Variants in CALN1 observed in about 807,000 individuals in gnomAD.
The protein encoded by CALN1 is calneuron 1.
Under a neutral mutation model 30.6 loss-of-function variants are expected in CALN1, and 17 were observed. That is an observed-to-expected ratio of 0.56 (90% CI 0.38 to 0.83). The LOEUF is 0.83. Among genes scored for constraint, CALN1 ranks in the 40% least tolerant of loss-of-function variants. The pLI is 0.00. For synonymous variants in CALN1, 156 were observed against 131.4 expected, an observed-to-expected ratio of 1.19 and a Z score of -1.28; for missense variants, 291 against 354.9, an observed-to-expected ratio of 0.82 and a Z score of 1.45.
intron 1 of CALN1, among the ~76,000 whole-genome samples, chr7:72,410,551 G>A (rs899213977): frequency 1.1e-4 from 17 of 152,170 alleles, no homozygotes; most frequent in African/African-American, 4.1e-4. Flanking sequence ...TCTGAAAACT[G>A]AAATGAGCTT....
intron 5 of CALN1, 42 bp downstream of exon 5, chr7:72,023,615 T>C (rs1562985309): frequency 1.4e-6 from 2 of 1,468,778 alleles, no homozygotes; most frequent in Non-Finnish European, 9.5e-7. Flanking sequence ...CTCAGACACA[T>C]TTACTGTCAA....
At chr7:72,320,470 AC>A (rs1800795513) in intron 2 of CALN1, among the ~76,000 whole-genome samples, 5 of 152,172 alleles carry the variant, frequency 3.3e-5, no homozygotes, top group African/African-American at 1.2e-4. Context: ...GAAAAGAGCC[AC>A]GGTCCTGGGA....
intron 5 of CALN1, among the ~76,000 whole-genome samples, chr7:71,971,993 G>GAAAGAAAGAAATAA (rs373873170): frequency 1.2e-5 from 1 of 85,634 alleles, no homozygotes; most frequent in Non-Finnish European, 2.4e-5. Context: ...AAGAAAGAAA[G>GAAAGAAAGAAATAA]AGAAAGAAAG....
At chr7:72,053,990 A>G (rs1265453806) in intron 4 of CALN1, among the ~76,000 whole-genome samples, 8 of 152,126 alleles carry the variant, frequency 5.3e-5, no homozygotes, top group Non-Finnish European at 1.0e-4. Flanking sequence ...TTGGCTGAGT[A>G]GTATTCCATC....
At chr7:72,258,906 A>AG (rs1796100009) in intron 3 of CALN1, among the ~76,000 whole-genome samples, 1 of 135,452 alleles carries the variant, frequency 7.4e-6, no homozygotes, top group Non-Finnish European at 1.7e-5. Flanking sequence ...GTAAAAAAAA[A>AG]AAAAGAAAGA....
chr7:72,394,516 A>G (rs1805785184), intron 2 of CALN1, among the ~76,000 whole-genome samples: 1 of 152,232 alleles, frequency 6.6e-6, no homozygotes, highest in Admixed American at 6.5e-5. Context: ...TTGCAGTACA[A>G]TAGAAAAGGA....
chr7:72,392,301 C>T (rs368309570), intron 2 of CALN1, among the ~76,000 whole-genome samples: 1 of 152,340 alleles, frequency 6.6e-6, no homozygotes, highest in East Asian at 1.9e-4. Context: ...CTACTGAATT[C>T]CTGACCTCGA....
intron 2 of CALN1, among the ~76,000 whole-genome samples, chr7:72,377,485 T>A (rs11972020): frequency 0.027 from 3,786 of 141,830 alleles, 156 homozygotes; most frequent in African/African-American, 0.092. Flanking sequence ...TTGCATGTAT[T>A]ATAATTTTTT....
chr7:72,377,178 C>G (rs1376751427), intron 2 of CALN1, among the ~76,000 whole-genome samples: 1 of 152,120 alleles, frequency 6.6e-6, no homozygotes, highest in African/African-American at 2.4e-5. Context: ...CCCTGAATTT[C>G]CATATGAATA....
At chr7:72,396,523 T>A (rs554004375) in intron 2 of CALN1, among the ~76,000 whole-genome samples, 1 of 150,940 alleles carries the variant, frequency 6.6e-6, no homozygotes, top group Admixed American at 6.6e-5. Context: ...ACGGAGGAGG[T>A]ATAATTGATG....
chr7:72,446,155 T>A (rs986619456), intron 1 of CALN1, among the ~76,000 whole-genome samples: 15 of 152,102 alleles, frequency 9.9e-5, no homozygotes, highest in Non-Finnish European at 2.9e-5. Flanking sequence ...TGTGGAGTCA[T>A]GTCAAGCTGA....
At chr7:72,314,364 T>TACACATATATAC (rs1554365664) in intron 2 of CALN1, among the ~76,000 whole-genome samples, 54 of 116,856 alleles carry the variant, frequency 4.6e-4, no homozygotes, top group African/African-American at 2.6e-3. Flanking sequence ...TATATACATA[T>TACACATATATAC]ACATATATAC....
intron 3 of CALN1, among the ~76,000 whole-genome samples, chr7:72,175,531 G>A (rs1022248534): frequency 1.3e-5 from 2 of 152,150 alleles, no homozygotes; most frequent in Non-Finnish European, 2.9e-5. Flanking sequence ...GCAAGGACCA[G>A]GATATACTGG....
At chr7:72,088,702 A>T (rs1365456591) in intron 4 of CALN1, among the ~76,000 whole-genome samples, 1 of 83,180 alleles carries the variant, frequency 1.2e-5, no homozygotes. Context: ...CCATCTCAAG[A>T]AAAAAAAAAA....
At chr7:71,836,013 T>C (rs1483170483) in intron 5 of CALN1, among the ~76,000 whole-genome samples, 1 of 152,194 alleles carries the variant, frequency 6.6e-6, no homozygotes, top group Non-Finnish European at 1.5e-5. Context: ...AGCTGTGGAA[T>C]GAGCAGAGGC....
intron 5 of CALN1, among the ~76,000 whole-genome samples, chr7:71,965,687 A>G (rs1000597289): frequency 6.6e-6 from 1 of 152,030 alleles, no homozygotes; most frequent in African/African-American, 2.4e-5. Context: ...CTGATATGGT[A>G]TATGCACAAC....
intron 2 of CALN1, among the ~76,000 whole-genome samples, chr7:72,284,000 T>C (rs1408302852): frequency 1.3e-5 from 2 of 152,156 alleles, no homozygotes; most frequent in Non-Finnish European, 1.5e-5. Flanking sequence ...CAGAGTAATA[T>C]ACTGAAGAGG....
chr7:71,901,261 A>G (rs991982217), intron 5 of CALN1, among the ~76,000 whole-genome samples: 5 of 152,226 alleles, frequency 3.3e-5, no homozygotes, highest in African/African-American at 1.2e-4. Flanking sequence ...GAAATTTTAG[A>G]TAACATGAAC....
chr7:71,932,287 C>T (rs1210515620), intron 5 of CALN1, among the ~76,000 whole-genome samples: 2 of 152,108 alleles, frequency 1.3e-5, no homozygotes, highest in African/African-American at 4.8e-5. Flanking sequence ...GCGATCTTCC[C>T]ACCTTAACCT....
Sources: allele counts gnomAD v4.1 joint callset (sites outside exome capture counted in the v4.1 genomes callset), GRCh38; gene constraint gnomAD v4.1.1; transcripts MANE v1.5; gene names NCBI Gene and HGNC (gene_info 2026-07-23, HGNC 2026-07-21).